Variants in ZNF2 observed in about 807,000 individuals in gnomAD.
ZNF2 encodes zinc finger protein 2.
A neutral mutation model predicts 21.9 loss-of-function variants in ZNF2; 12 were observed. The ratio of observed to expected loss-of-function variants is 0.55; its 90% CI spans 0.35 to 0.89. ZNF2 has a LOEUF of 0.89. Among genes scored for constraint, ZNF2 ranks in the 40% least tolerant of loss-of-function variants. The pLI is 0.01. For synonymous variants in ZNF2, 186 were observed against 196.3 expected (o/e 0.95, Z 0.44); for missense variants, 462 against 544.2 (o/e 0.85, Z 1.50).
rs1192680647 is a variant in ZNF2 at position 95,183,577 on chromosome 2, ACT to A, written c.*1473_*1474del. ...CCCCATTGCTGAATTTTACCTCCTG[ACT>A]CCAAAAACTCTTCTCTTCCCTGGGC... is the stretch of plus-strand genomic sequence containing the variant. On this transcript the variant is annotated 3_prime_UTR_variant, in exon 5 of 5. Transcript: ENST00000614034. 6.9e-6 allele frequency: 1 copy of A among 145,580 alleles called. No homozygotes were observed. Among genetic ancestry groups the A allele is most frequent in the Non-Finnish European group, 1.5e-5 (1 of 66,610 alleles). 9.0% of individuals were successfully genotyped at this position (145,580 alleles called of 1,614,324 possible).
At chr2:95,181,079 G>A (rs1177364042) in intron 4 of ZNF2, 24 bp from the exon 5 acceptor site, 1 of 1,600,636 alleles carries the variant, frequency 6.2e-7, no homozygotes, top group Admixed American at 1.7e-5. Flanking sequence ...GAAAAAAACT[G>A]CATCTGTTTT....
At chr2:95,178,275 T>G (rs1038590590) in intron 3 of ZNF2, among the ~76,000 whole-genome samples, 1 of 152,002 alleles carries the variant, frequency 6.6e-6, no homozygotes, top group Non-Finnish European at 1.5e-5. Context: ...GCTGAGAGAG[T>G]GCCCAGATTG....
chr2:95,170,350 T>C (rs1280921003), intron 1 of ZNF2, among the ~76,000 whole-genome samples: 1 of 152,258 alleles, frequency 6.6e-6, no homozygotes, highest in Non-Finnish European at 1.5e-5. Flanking sequence ...TTAGCTAAAC[T>C]TGTTTTTCCA....
At position 95,176,115 on chromosome 2, in the gene ZNF2, G is replaced by A. The variant is rs73957744; in HGVS notation, c.-39-73G>A. The A allele has an allele frequency of 3.4e-3, 4,447 of 1,324,972 alleles. 86 individuals carry two copies. The African/African-American group carries it at 0.044, about 13-fold the overall frequency. 82.1% of individuals were successfully genotyped at this position (1,324,972 alleles called of 1,614,324 possible). ...CATATCCCCCTGGTATGTGCTTCAT[G>A]GGTCAAAAGACTATGCGACAGGACT... On this transcript the variant is annotated intron_variant, in intron 1 of 4. Transcript: ENST00000614034.
rs1573397699 is a variant in ZNF2, at chr2:95,175,123, C to T, written c.-39-1065C>T. ...CTCCTGGCCTCAAGTGATCCTTCCA[C>T]CTCGGCTTCCCAAAGTGCTGGGATT... On this transcript the variant is annotated intron_variant, in intron 1 of 4. Transcript: ENST00000614034. Among the ~76,000 whole-genome samples, 3 of 152,248 alleles carry T rather than the reference C, an allele frequency of 2.0e-5. No homozygotes were observed. The South Asian group carries it at 6.2e-4, about 32-fold the overall frequency.
rs2104505390 is a variant in ZNF2, at chr2:95,177,620, C to T, written c.160+11C>T. The T allele has an allele frequency of 6.2e-7, 1 of 1,612,450 alleles. No homozygotes were observed. Among genetic ancestry groups the T allele is most frequent in the South Asian group, 1.1e-5 (1 of 90,872 alleles). On this transcript the variant is annotated intron_variant, in intron 3 of 4. Transcript: ENST00000614034. ...GCATTGTGTCATTGGGTAAGGGGAG[C>T]CTCCATGAGGAGGTACAGTCTGTAC...
intron 1 of ZNF2, among the ~76,000 whole-genome samples, chr2:95,167,442 C>G (rs13015670): frequency 0.025 from 3,596 of 143,686 alleles, 61 homozygotes; most frequent in East Asian, 0.056. Context: ...GCAGGCGGAG[C>G]TTGCAGTGAG....
intron 1 of ZNF2, among the ~76,000 whole-genome samples, chr2:95,171,082 T>A (rs1674250995): frequency 6.6e-6 from 1 of 152,242 alleles, no homozygotes; most frequent in East Asian, 1.9e-4. Flanking sequence ...CTATTTTGAA[T>A]ATGAAACTCA....
rs569273645 is a variant in ZNF2 at position 95,176,643 on chromosome 2, C to T, written c.33+384C>T. Among the ~76,000 whole-genome samples the T allele has an allele frequency of 5.9e-5, 9 of 152,246 alleles. No homozygotes were observed. In the East Asian group the frequency reaches 9.7e-4, roughly 16 times the overall value. Reference sequence around the variant, plus strand: ...CAGGGAGTGTGGGGCTAGGCTGGGGCGTGTGATACACACTGTAGAGCACCT... The same window carrying T: ...CAGGGAGTGTGGGGCTAGGCTGGGGTGTGTGATACACACTGTAGAGCACCT... On this transcript the variant is annotated intron_variant, in intron 2 of 4. Transcript: ENST00000614034.
In ZNF2 at chr2:95,177,510, G is replaced by A. The variant is rs901412745; in HGVS notation, c.61G>A (p.Val21Met). The change falls in exon 3 of 5, where the codon GTG (valine) becomes ATG (methionine). Residue 21 changes from valine to methionine, a missense_variant. Val to Met is a conservative substitution (Grantham distance 21). Coordinates refer to ENST00000614034, the MANE Select transcript of ZNF2 (RefSeq NM_021088.4). The stretch of plus-strand genomic sequence containing the variant: ...ATCAGTGACATTCGAAGACGTTGCC[G>A]TGGTTTTCACAGATGAAGAGTGGAG... ...QESVTFEDVA[V>M]VFTDEEWSRL... The A allele has an allele frequency of 8.1e-6, 13 of 1,613,970 alleles. No individual in the cohort carries two copies. Among genetic ancestry groups the A allele is most frequent in the East Asian group, 2.2e-5 (1 of 44,892 alleles).
intron 2 of ZNF2, among the ~76,000 whole-genome samples, chr2:95,176,642 G>C (rs1674452825): frequency 6.6e-6 from 1 of 152,222 alleles, no homozygotes; most frequent in Admixed American, 6.5e-5. Context: ...CTAGGCTGGG[G>C]CGTGTGATAC....
At chr2:95,169,903 A>G (rs151253868) in intron 1 of ZNF2, among the ~76,000 whole-genome samples, 303 of 152,298 alleles carry the variant, frequency 2.0e-3, no homozygotes, top group African/African-American at 7.1e-3. Context: ...GTGTTACCCT[A>G]TTTAAGCATC....
chr2:95,166,530 T>G (rs2104490282), intron 1 of ZNF2, among the ~76,000 whole-genome samples: 1 of 152,104 alleles, frequency 6.6e-6, no homozygotes, highest in South Asian at 2.1e-4. Context: ...AATGAAACTA[T>G]TTGGAGACAG....
intron 1 of ZNF2, among the ~76,000 whole-genome samples, chr2:95,167,505 CAAAA>C (rs756206050): frequency 8.9e-5 from 4 of 44,940 alleles, no homozygotes; most frequent in South Asian, 8.0e-4. Flanking sequence ...GACTCAGTCT[CAAAA>C]AAAAAAAAAA....
intron 3 of ZNF2, among the ~76,000 whole-genome samples, chr2:95,178,669 T>C (rs1199690081): frequency 5.3e-5 from 8 of 152,220 alleles, no homozygotes; most frequent in Admixed American, 1.3e-4. Flanking sequence ...CCAGGATCTA[T>C]TTTTTAATAT....
intron 1 of ZNF2, among the ~76,000 whole-genome samples, chr2:95,169,343 G>A (rs1041230324): frequency 3.3e-5 from 5 of 152,174 alleles, no homozygotes; most frequent in Non-Finnish European, 7.4e-5. Flanking sequence ...GAGCAGTTTC[G>A]ACTGCAGTTT....
chr2:95,171,074 AT>A (rs1674250903), intron 1 of ZNF2, among the ~76,000 whole-genome samples: 1 of 152,154 alleles, frequency 6.6e-6, no homozygotes, highest in Non-Finnish European at 1.5e-5. Flanking sequence ...TAACTTTTCT[AT>A]TTTGAATATG....
At chr2:95,173,749 G>A (rs1168018665) in intron 1 of ZNF2, among the ~76,000 whole-genome samples, 4 of 152,066 alleles carry the variant, frequency 2.6e-5, no homozygotes, top group African/African-American at 4.8e-5. Flanking sequence ...TTGCTCTGTC[G>A]CCAGGCTGGA....
intron 1 of ZNF2, among the ~76,000 whole-genome samples, chr2:95,169,257 C>T (rs978566440): frequency 1.3e-5 from 2 of 152,140 alleles, no homozygotes; most frequent in African/African-American, 4.8e-5. Context: ...ATTTGTAATT[C>T]GTTCAGTGCT....
Sources: allele counts gnomAD v4.1 joint callset (sites outside exome capture counted in the v4.1 genomes callset), GRCh38; gene constraint gnomAD v4.1.1; transcripts MANE v1.5; gene names NCBI Gene and HGNC (gene_info 2026-07-23, HGNC 2026-07-21).